ADGRL3: variants seen among roughly 807,000 people sequenced by gnomAD.
ADGRL3 encodes adhesion G protein-coupled receptor L3.
Under a neutral mutation model 153.5 loss-of-function variants are expected in ADGRL3, and 62 were observed. The ratio of observed to expected loss-of-function variants is 0.40; its 90% CI spans 0.33 to 0.50. The LOEUF (loss-of-function observed/expected upper bound fraction) is 0.50. ADGRL3 is among the 20% of genes least tolerant of loss of function. The pLI is 0.47. For synonymous variants in ADGRL3, 710 were observed against 672.5 expected, an observed-to-expected ratio of 1.06 and a Z score of -0.86; for missense variants, 1,641 against 1,859.4, an observed-to-expected ratio of 0.88 and a Z score of 2.16.
chr4:61,957,148 T>C (rs1043665095), intron 17 of ADGRL3, among the ~76,000 whole-genome samples: 1 of 152,212 alleles, frequency 6.6e-6, no homozygotes, highest in African/African-American at 2.4e-5. Flanking sequence ...TTTCACAATA[T>C]TGATTCGTCC....
At chr4:61,474,472 G>A (rs2098017767) in intron 2 of ADGRL3, among the ~76,000 whole-genome samples, 2 of 152,080 alleles carry the variant, frequency 1.3e-5, no homozygotes, top group Admixed American at 1.3e-4. Flanking sequence ...TTTATTCACA[G>A]CATTTGTTTA....
At chr4:61,473,199 TTGTATGTGTTTGTGTGTGTG>T (rs1327772373) in intron 2 of ADGRL3, among the ~76,000 whole-genome samples, 2 of 45,004 alleles carry the variant, frequency 4.4e-5, no homozygotes, top group African/African-American at 7.0e-5. Flanking sequence ...AAACACCTAT[TTGTATGTGTTTGTGTGTGTG>T]TGTGTGTGTG....
intron 9 of ADGRL3, among the ~76,000 whole-genome samples, chr4:61,845,748 G>A (rs112943674): frequency 1.1e-4 from 16 of 152,068 alleles, no homozygotes; most frequent in South Asian, 4.2e-4. Flanking sequence ...TATTATTAAC[G>A]CTTAATGACA....
At chr4:61,271,923 A>G (rs954595219) in intron 1 of ADGRL3, among the ~76,000 whole-genome samples, 1 of 152,040 alleles carries the variant, frequency 6.6e-6, no homozygotes, top group African/African-American at 2.4e-5. Context: ...GTGATGTTTA[A>G]TGCAAAGCAA....
At chr4:61,634,124 GT>G (rs769046455) in intron 5 of ADGRL3, among the ~76,000 whole-genome samples, 1 of 152,126 alleles carries the variant, frequency 6.6e-6, no homozygotes, top group Non-Finnish European at 1.5e-5. Context: ...TCTATTTTAC[GT>G]ACAATCCTAA....
At chr4:61,779,566 G>A (rs997610204) in intron 8 of ADGRL3, among the ~76,000 whole-genome samples, 4 of 146,392 alleles carry the variant, frequency 2.7e-5, no homozygotes, top group African/African-American at 1.0e-4. Flanking sequence ...CCCAGAGGTG[G>A]AGGTTACAGT....
At chr4:61,631,719 C>T (rs1447940586) in intron 5 of ADGRL3, among the ~76,000 whole-genome samples, 2 of 152,110 alleles carry the variant, frequency 1.3e-5, no homozygotes, top group African/African-American at 2.4e-5. Context: ...TAATTAAAAT[C>T]AGAAATGTGA....
rs114503591 is a variant in ADGRL3, at chr4:61,708,292, A to G, written c.584-22330A>G. Among the ~76,000 whole-genome samples the G allele has an allele frequency of 3.3e-3, 500 of 152,304 alleles. 2 individuals are homozygous for G. Among genetic ancestry groups the G allele is most frequent in the African/African-American group, 0.012 (482 of 41,566 alleles). On this transcript the variant is annotated intron_variant, in intron 6 of 26. Coordinates refer to ENST00000683033, the MANE Select transcript of ADGRL3 (RefSeq NM_001387552.1). ...CTCATTCTAGTGAAGTAATGTATCA[A>G]AGTCATAAATCTGACCTTCCAAATG...
intron 1 of ADGRL3, among the ~76,000 whole-genome samples, chr4:61,353,772 T>C (rs1417497943): frequency 6.6e-6 from 1 of 150,458 alleles, no homozygotes; most frequent in Admixed American, 6.7e-5. Flanking sequence ...TATTTCAGCT[T>C]CTACTCACCC....
intron 4 of ADGRL3, among the ~76,000 whole-genome samples, chr4:61,582,837 G>A (rs9685140): frequency 0.54 from 81,891 of 151,638 alleles, 22,517 homozygotes; most frequent in East Asian, 0.66. Flanking sequence ...CATGACTAAG[G>A]AGCACCTTCT....
chr4:61,265,587 A>G (rs1505662), intron 1 of ADGRL3, among the ~76,000 whole-genome samples: 98,649 of 151,680 alleles, frequency 0.65, 32,241 homozygotes, highest in East Asian at 0.7. Flanking sequence ...GTGATAAAGA[A>G]TATAACATCA....
chr4:62,070,045 G>A, intron 26 of ADGRL3, 64 bp from the exon 27 acceptor site: 1 of 1,340,100 alleles, frequency 7.5e-7, no homozygotes, highest in South Asian at 1.3e-5. Flanking sequence ...TTGCTTCTGT[G>A]TTTGTGTGTG....
intron 17 of ADGRL3, among the ~76,000 whole-genome samples, chr4:61,967,073 A>G (rs905224504): frequency 2.0e-5 from 3 of 152,170 alleles, no homozygotes; most frequent in Non-Finnish European, 4.4e-5. Flanking sequence ...ATGTGTTATT[A>G]CTATTTAACA....
chr4:61,775,520 C>G (rs768967627), intron 8 of ADGRL3: 8 of 753,628 alleles, frequency 1.1e-5, no homozygotes, highest in African/African-American at 1.7e-5. Context: ...TCCTTAACTA[C>G]TGCACAACTG....
intron 5 of ADGRL3, among the ~76,000 whole-genome samples, chr4:61,596,568 C>T (rs1195537831): frequency 6.6e-6 from 1 of 152,194 alleles, no homozygotes; most frequent in Non-Finnish European, 1.5e-5. Context: ...AATACTGTAT[C>T]TGTCTACCAA....
At chr4:61,390,880 T>C (rs1262462976) in intron 2 of ADGRL3, among the ~76,000 whole-genome samples, 2 of 152,180 alleles carry the variant, frequency 1.3e-5, no homozygotes, top group Admixed American at 6.5e-5. Context: ...TCCATTCCTA[T>C]GTATCGTACA....
At chr4:61,738,487 G>A (rs1318087914) in intron 8 of ADGRL3, among the ~76,000 whole-genome samples, 1 of 151,968 alleles carries the variant, frequency 6.6e-6, no homozygotes, top group Non-Finnish European at 1.5e-5. Context: ...GTTCTTTAAG[G>A]AATCTCTACA....
At chr4:61,438,713 T>TC (rs550454776) in intron 2 of ADGRL3, among the ~76,000 whole-genome samples, 2,201 of 148,182 alleles carry the variant, frequency 0.015, 35 homozygotes, top group South Asian at 0.04. Context: ...TTTCTTTCTT[T>TC]TTTTTTTTTT....
intron 6 of ADGRL3, among the ~76,000 whole-genome samples, chr4:61,719,727 G>C (rs1217888543): frequency 2.0e-5 from 3 of 150,976 alleles, no homozygotes; most frequent in Non-Finnish European, 4.4e-5. Context: ...TCAGCCTCCT[G>C]AGTAGCTGGA....
Sources: gnomAD v4.1 joint callset for allele counts (sites outside exome capture counted in the v4.1 genomes callset) on GRCh38, gnomAD v4.1.1 for gene constraint, MANE v1.5 for transcripts, NCBI Gene and HGNC (gene_info 2026-07-23, HGNC 2026-07-21) for gene names.